The following CSMD3 variants were observed in gnomAD, a reference collection of about 807,000 sequenced individuals.
The protein encoded by CSMD3 is CUB and Sushi multiple domains 3.
CSMD3 carries 177 observed loss-of-function variants against 435.2 expected under a neutral mutation model. The observed-to-expected ratio is 0.41, with a 90% CI of 0.36 to 0.46. CSMD3 has a LOEUF of 0.46. CSMD3 is among the 20% of genes least tolerant of loss of function. CSMD3 has a pLI of 0.34. For synonymous variants in CSMD3, 1,656 were observed against 1,520.5 expected (o/e 1.09, Z -2.07); for missense variants, 4,265 against 4,504.6 (o/e 0.95, Z 1.52).
At chr8:112,944,148 C>T (rs2083533055) in intron 9 of CSMD3, among the ~76,000 whole-genome samples, 2 of 151,578 alleles carry the variant, frequency 1.3e-5, no homozygotes, top group Admixed American at 1.3e-4. Flanking sequence ...CTTAAACTTT[C>T]TCTCCCATCC....
intron 5 of CSMD3, among the ~76,000 whole-genome samples, chr8:113,027,464 A>G (rs2086916819): frequency 6.6e-6 from 1 of 152,292 alleles, no homozygotes; most frequent in East Asian, 1.9e-4. Context: ...TGTGCAAGTC[A>G]TGTATGTAGA....
At chr8:112,759,672 A>G (rs961869473) in intron 13 of CSMD3, among the ~76,000 whole-genome samples, 2 of 152,150 alleles carry the variant, frequency 1.3e-5, no homozygotes, top group Non-Finnish European at 2.9e-5. Context: ...ATCAAGTACC[A>G]TATGCTATTC....
At chr8:112,711,163 A>C (rs1209491737) in intron 13 of CSMD3, among the ~76,000 whole-genome samples, 2 of 152,306 alleles carry the variant, frequency 1.3e-5, no homozygotes, top group East Asian at 3.9e-4. Flanking sequence ...GCCTAACAAT[A>C]GATCATCTTA....
intron 20 of CSMD3, among the ~76,000 whole-genome samples, chr8:112,639,277 A>G (rs1389130043): frequency 6.6e-6 from 1 of 152,106 alleles, no homozygotes; most frequent in South Asian, 2.1e-4. Flanking sequence ...TTCTTCTCCA[A>G]TCCCTTCGAC....
chr8:113,080,117 C>T (rs1221076463), intron 5 of CSMD3, among the ~76,000 whole-genome samples: 1 of 152,030 alleles, frequency 6.6e-6, no homozygotes, highest in Non-Finnish European at 1.5e-5. Context: ...TTAACATGTT[C>T]TCTGGAACAT....
chr8:113,128,457 A>G (rs577757810), intron 4 of CSMD3, among the ~76,000 whole-genome samples: 93 of 152,144 alleles, frequency 6.1e-4, no homozygotes, highest in African/African-American at 2.2e-3. Flanking sequence ...TAGAAAATAA[A>G]ATTTGAATGT....
At chr8:113,302,215 TATATATAATATAATATA>T (rs1197040219) in intron 2 of CSMD3, among the ~76,000 whole-genome samples, 80 of 101,366 alleles carry the variant, frequency 7.9e-4, no homozygotes, top group African/African-American at 2.2e-3. Flanking sequence ...TTCTCACCTG[TATATATAATATAATATA>T]ATATATAATA....
intron 11 of CSMD3, among the ~76,000 whole-genome samples, chr8:112,836,728 G>C (rs933491843): frequency 6.6e-6 from 1 of 151,794 alleles, no homozygotes; most frequent in Admixed American, 6.6e-5. Flanking sequence ...CGTGGGGCTT[G>C]CATGCTTCTG....
rs1403176171 is a variant in CSMD3 at position 112,292,537 on chromosome 8, C to T, written c.8788G>A (p.Val2930Met). ...QWSHPPPMCK[V>M]VNCSDPGIPA... ...AATGGGAATATACTTAGACATTTAC[C>T]TTTGCACATAGGTGGAGGATGGCTC... The change falls in exon 55 of 71, where the codon GTG (valine) becomes ATG (methionine). Residue 2930 changes from valine to methionine, a missense_variant and splice_region_variant. Physicochemically the swap from Val to Met is conservative, Grantham distance 21. Around this residue, in one of 3 missense-constraint regions of CSMD3, gnomAD observed 3,255 missense variants for 3,380.2 expected, o/e 0.96. Transcript: ENST00000297405. 1 of 1,613,588 alleles carries T rather than the reference C, an allele frequency of 6.2e-7. No individual in the cohort carries two copies. Among genetic ancestry groups the T allele is most frequent in the Non-Finnish European group, 8.5e-7 (1 of 1,179,630 alleles).
chr8:113,093,478 T>C (rs2090069491), intron 5 of CSMD3, among the ~76,000 whole-genome samples: 1 of 152,090 alleles, frequency 6.6e-6, no homozygotes. Flanking sequence ...TGCAGATAAA[T>C]CAAGTGAGAT....
intron 12 of CSMD3, among the ~76,000 whole-genome samples, chr8:112,803,483 AT>A (rs1244059778): frequency 1.3e-5 from 2 of 152,260 alleles, no homozygotes; most frequent in Middle Eastern, 3.4e-3. Flanking sequence ...TATCATTTAT[AT>A]TTCATGTATT....
intron 27 of CSMD3, among the ~76,000 whole-genome samples, chr8:112,548,859 TA>T (rs913708309): frequency 2.2e-4 from 34 of 152,078 alleles, no homozygotes; most frequent in African/African-American, 5.8e-4. Flanking sequence ...CTATTCATCT[TA>T]AAAAAAACTT....
chr8:113,377,550 C>T (rs1165850057), intron 1 of CSMD3, among the ~76,000 whole-genome samples: 1 of 152,088 alleles, frequency 6.6e-6, no homozygotes, highest in Non-Finnish European at 1.5e-5. Flanking sequence ...TTCATTTGAG[C>T]TATATTTTTA....
chr8:112,765,117 CAG>C (rs2077944087), intron 13 of CSMD3, among the ~76,000 whole-genome samples: 1 of 151,158 alleles, frequency 6.6e-6, no homozygotes, highest in Non-Finnish European at 1.5e-5. Context: ...TTTTACACAA[CAG>C]ATGACGGGGA....
intron 59 of CSMD3, among the ~76,000 whole-genome samples, chr8:112,273,935 C>CAAA (rs76030401): frequency 3.8e-5 from 3 of 79,322 alleles, no homozygotes; most frequent in Non-Finnish European, 8.0e-5. Flanking sequence ...AGGTAACATA[C>CAAA]AAAAAAAAAA....
chr8:112,893,623 T>G (rs916469191), intron 10 of CSMD3, among the ~76,000 whole-genome samples: 1 of 151,532 alleles, frequency 6.6e-6, no homozygotes, highest in South Asian at 2.1e-4. Context: ...TTCCTCCATA[T>G]TTTGCATATT....
chr8:113,106,203 A>G (rs2090470938), intron 4 of CSMD3, among the ~76,000 whole-genome samples: 1 of 152,114 alleles, frequency 6.6e-6, no homozygotes, highest in African/African-American at 2.4e-5. Context: ...AAAGCCTAAA[A>G]TATTTACTAT....
At chr8:112,298,894 C>T (rs1018462722) in intron 53 of CSMD3, among the ~76,000 whole-genome samples, 1 of 152,046 alleles carries the variant, frequency 6.6e-6, no homozygotes, top group African/African-American at 2.4e-5. Flanking sequence ...ATGCGTATGT[C>T]CACAAAAAGA....
intron 32 of CSMD3, among the ~76,000 whole-genome samples, chr8:112,432,104 G>GA (rs957170969): frequency 3.9e-4 from 58 of 147,696 alleles, no homozygotes; most frequent in South Asian, 2.2e-3. Flanking sequence ...TCCTACAGGT[G>GA]AAAAAAAAAA....
Sources: allele counts gnomAD v4.1 joint callset (sites outside exome capture counted in the v4.1 genomes callset), GRCh38; gene constraint gnomAD v4.1.1; regional missense constraint gnomAD v4.1.1; transcripts MANE v1.5; gene names NCBI Gene and HGNC (gene_info 2026-07-23, HGNC 2026-07-21).